The following WDR59 variants were observed in gnomAD, a reference collection of about 807,000 sequenced individuals.
WDR59 encodes the protein GATOR2 complex protein WDR59.
Under a neutral mutation model 131.2 loss-of-function variants are expected in WDR59, and 100 were observed. The ratio of observed to expected loss-of-function variants is 0.76; its 90% confidence interval spans 0.65 to 0.90. WDR59 has a LOEUF of 0.90. WDR59 is among the 40% of genes least tolerant of loss of function. The pLI is 0.00. For synonymous variants in WDR59, 601 were observed against 466.2 expected, an observed-to-expected ratio of 1.29 and a Z score of -3.72; for missense variants, 1,203 against 1,262.2, an observed-to-expected ratio of 0.95 and a Z score of 0.71.
rs1193212128 is a variant in WDR59 at position 74,872,099 on chromosome 16, A to G, written c.*2110T>C. On this transcript the variant is annotated 3_prime_UTR_variant, in exon 26 of 26. Transcript: ENST00000262144. Reference sequence around the variant, plus strand: ...CACATGTGCTGCACACACGTAAACAAGTTACACAAAACATTTTCCTTAGCT... The same window carrying G: ...CACATGTGCTGCACACACGTAAACAGGTTACACAAAACATTTTCCTTAGCT... 2 of 152,256 alleles carry G rather than the reference A, an allele frequency of 1.3e-5. No individual in the cohort carries two copies. Among genetic ancestry groups the G allele is most frequent in the Non-Finnish European group, 2.9e-5 (2 of 68,052 alleles). 9.4% of individuals were successfully genotyped at this position (152,256 alleles called of 1,614,324 possible).
chr16:74,886,591 A>G, intron 23 of WDR59, 195 bp from the exon 24 acceptor site: 2 of 613,756 alleles, frequency 3.3e-6, no homozygotes, highest in East Asian at 6.8e-5. Flanking sequence ...TATTACTAAG[A>G]GAACTTGATC....
chr16:74,908,165 C>T (rs369333101), intron 17 of WDR59, among the ~76,000 whole-genome samples: 43 of 142,472 alleles, frequency 3.0e-4, no homozygotes, highest in African/African-American at 9.5e-4. Context: ...CACCTGTAAC[C>T]CCAGCACTTT....
chr16:74,876,323 T>G (rs879688328), intron 25 of WDR59, among the ~76,000 whole-genome samples: 1 of 152,180 alleles, frequency 6.6e-6, no homozygotes, highest in African/African-American at 2.4e-5. Context: ...TGTACAAACT[T>G]TGGTTATGTT....
chr16:74,947,682 T>G (rs1451319085), intron 6 of WDR59, among the ~76,000 whole-genome samples: 1 of 152,234 alleles, frequency 6.6e-6, no homozygotes, highest in Non-Finnish European at 1.5e-5. Context: ...TGTTAATATT[T>G]TTAGGTATTT....
intron 14 of WDR59, among the ~76,000 whole-genome samples, chr16:74,910,416 A>G (rs1597694403): frequency 2.6e-5 from 4 of 152,248 alleles, no homozygotes; most frequent in African/African-American, 7.2e-5. Context: ...GAGCCCTCCT[A>G]GAGAAGCTCT....
intron 17 of WDR59, among the ~76,000 whole-genome samples, chr16:74,906,320 A>AAAAAAAAAAAAAC (rs765077670): frequency 0.061 from 8,245 of 136,264 alleles, 1,038 homozygotes; most frequent in Admixed American, 0.092. Flanking sequence ...TCTCAAAAAA[A>AAAAAAAAAAAAAC]AAAAAACCCA....
chr16:74,874,234 T>C lies in WDR59; in HGVS notation c.2900A>G (p.His967Arg), dbSNP rs1284298653. 1 of 1,614,022 alleles carries C rather than the reference T, an allele frequency of 6.2e-7. No homozygotes were observed. Among genetic ancestry groups the C allele is most frequent in the Admixed American group, 1.7e-5 (1 of 60,006 alleles). The change falls in exon 26 of 26, where the codon CAC becomes CGC. Residue 967 changes from histidine to arginine, a missense_variant. Transcript: ENST00000262144. ...QEVCPTGCGC[H>R]CLLESTF The stretch of plus-strand genomic sequence containing the variant: ...TCAGAAAGTGCTTTCAAGCAGGCAG[T>C]GGCACCCACACCCGGTGGGACACAC...
At chr16:74,955,306 G>A (rs906777755) in intron 3 of WDR59, among the ~76,000 whole-genome samples, 1 of 152,136 alleles carries the variant, frequency 6.6e-6, no homozygotes, top group African/African-American at 2.4e-5. Flanking sequence ...CTGAGATCTA[G>A]CAGGTAGGGC....
At chr16:74,984,448 C>G (rs1044082447) in intron 1 of WDR59, among the ~76,000 whole-genome samples, 1 of 152,188 alleles carries the variant, frequency 6.6e-6, no homozygotes, top group South Asian at 2.1e-4. Context: ...AGTGTCACTC[C>G]TATCCACTAC....
At chr16:74,902,145 T>C (rs1965581888) in intron 18 of WDR59, among the ~76,000 whole-genome samples, 1 of 152,208 alleles carries the variant, frequency 6.6e-6, no homozygotes, top group Non-Finnish European at 1.5e-5. Flanking sequence ...CTTTGATTTG[T>C]GAACTTTTGT....
chr16:74,983,752 G>A (rs1365898396), intron 1 of WDR59, among the ~76,000 whole-genome samples: 2 of 151,844 alleles, frequency 1.3e-5, no homozygotes, highest in Non-Finnish European at 2.9e-5. Flanking sequence ...GAGGCAGGGG[G>A]TTCGCTTGAG....
intron 9 of WDR59, 41 bp downstream of exon 9, chr16:74,923,885 A>C: frequency 6.3e-7 from 1 of 1,576,664 alleles, no homozygotes; most frequent in Non-Finnish European, 8.6e-7. Context: ...TGGAACACCC[A>C]AAAAGAAGTT....
At chr16:74,948,037 T>C (rs950012840) in intron 6 of WDR59, among the ~76,000 whole-genome samples, 2 of 152,088 alleles carry the variant, frequency 1.3e-5, no homozygotes, top group Non-Finnish European at 2.9e-5. Context: ...ACTACTGCAC[T>C]TCAGCCTGGG....
chr16:74,977,661 G>A (rs950859370), intron 1 of WDR59, among the ~76,000 whole-genome samples: 4 of 152,022 alleles, frequency 2.6e-5, no homozygotes, highest in Admixed American at 6.6e-5. Context: ...GCACTCCAGC[G>A]TAGATAACAG....
At chr16:74,951,663 C>T (rs947569288) in intron 3 of WDR59, 120 bp from the exon 4 acceptor site, 5 of 823,222 alleles carry the variant, frequency 6.1e-6, no homozygotes, top group Non-Finnish European at 1.0e-5. Context: ...ATCCTTCAGG[C>T]TGAACTTTTC....
chr16:74,938,294 C>T (rs747018212), intron 7 of WDR59, 28 bp from the exon 8 acceptor site: 27 of 1,415,090 alleles, frequency 1.9e-5, no homozygotes, highest in Admixed American at 1.1e-4. Flanking sequence ...CTAATATTAT[C>T]GATTTAGAAA....
intron 8 of WDR59, 29 bp downstream of exon 8, chr16:74,938,121 C>G (rs767506429): frequency 7.0e-7 from 1 of 1,437,114 alleles, no homozygotes; most frequent in East Asian, 2.5e-5. Flanking sequence ...AAACACTGCT[C>G]CTCCAACTTC....
At position 74,886,323 on chromosome 16, in the gene WDR59, C is replaced by T. The variant is rs191626021; in HGVS notation, c.2493G>A (p.Leu831=). 5 of 1,613,896 alleles carry T rather than the reference C, an allele frequency of 3.1e-6. No homozygotes were observed. The highest frequency in any genetic ancestry group is 4.2e-6 in the Non-Finnish European group (5 of 1,180,018). ...SSPEELRFGS[L]TYSDPRERER... is the part of the protein sequence containing the mutation. ...CTCGCTCACGGGGATCACTGTAGGT[C>T]AGACTCCCAAAGCGGAGCTCTTCTG... The change falls in exon 24 of 26, where the codon CTG becomes CTA. Residue 831 remains leucine, a synonymous_variant. Transcript: ENST00000262144.
At chr16:74,892,315 T>G (rs1458012053) in intron 20 of WDR59, among the ~76,000 whole-genome samples, 169 bp downstream of exon 20, 1 of 152,166 alleles carries the variant, frequency 6.6e-6, no homozygotes, top group East Asian at 1.9e-4. Flanking sequence ...AGAAAAAATT[T>G]CCAGCATTTG....
Sources: gnomAD v4.1 joint callset for allele counts (sites outside exome capture counted in the v4.1 genomes callset) on GRCh38, gnomAD v4.1.1 for gene constraint, MANE v1.5 for transcripts, NCBI Gene and HGNC (gene_info 2026-07-23, HGNC 2026-07-21) for gene names.